The following TSHZ3 variants were observed in gnomAD, a reference collection of about 807,000 sequenced individuals.
The protein encoded by TSHZ3 is teashirt homolog 3.
TSHZ3 carries 10 observed loss-of-function variants against 64.5 expected under a neutral mutation model. That is an observed-to-expected ratio of 0.16 (90% CI 0.10 to 0.26). TSHZ3 has a LOEUF of 0.26. Among genes scored for constraint, TSHZ3 ranks in the 10% least tolerant of loss-of-function variants. TSHZ3 has a pLI of 1.00. For missense variants in TSHZ3, 1,242 were observed against 1,421.7 expected (o/e 0.87, Z 2.03); for synonymous variants, 608 against 593.1 (o/e 1.03, Z -0.36).
chr19:31,154,767 A>G (rs918234569), intron 6 of TSHZ3, among the ~76,000 whole-genome samples: 1 of 152,196 alleles, frequency 6.6e-6, no homozygotes, highest in Non-Finnish European at 1.5e-5. Context: ...AGAGAGAATC[A>G]GGAAAGTGTG....
chr19:31,279,548 C>A lies in TSHZ3; in HGVS notation c.245G>T (p.Ser82Ile). ...MDSESHISET[S>I]DRMADFESGS... ...GCTTTCAAAGTCAGCCATTCGGTCA[C>A]TGGTCTCACTGATGTGTGACTCGCT... Residue 82 changes from serine (S) to isoleucine (I), a missense_variant, in exon 2 of 2, where the codon AGT becomes ATT. By Grantham distance (142) the Ser-to-Ile change is moderately radical (BLOSUM62 -2). Transcript: ENST00000240587. This position sits in a 1 kb window ranked among gnomAD's most constrained non-coding sequence, Gnocchi z 6.4. 1 of 1,609,882 alleles carries A rather than the reference C, an allele frequency of 6.2e-7. No individual in the cohort carries two copies. Among genetic ancestry groups the A allele is most frequent in the Non-Finnish European group, 8.5e-7 (1 of 1,176,880 alleles).
chr19:31,243,750 G>C (rs567474586), intron 1 of TSHZ3, among the ~76,000 whole-genome samples: 2 of 152,102 alleles, frequency 1.3e-5, no homozygotes, highest in Non-Finnish European at 2.9e-5. Flanking sequence ...TCGAGCTCTG[G>C]GAATGGGAGC....
At chr19:31,325,252 G>A (rs564908752) in intron 1 of TSHZ3, among the ~76,000 whole-genome samples, 136 of 152,292 alleles carry the variant, frequency 8.9e-4, no homozygotes, top group African/African-American at 3.2e-3. Context: ...TTCACTGGTC[G>A]GGACCGGCCA....
rs373238009 is a variant in TSHZ3 at position 31,278,623 on chromosome 19, C to T, written c.1170G>A (p.Glu390=). The change falls in exon 2 of 2, where the codon GAG becomes GAA. Residue 390 remains glutamate, a synonymous_variant. Coordinates refer to ENST00000240587, the MANE Select transcript of TSHZ3 (RefSeq NM_020856.4). The surrounding 1 kb of genome is among the most constrained non-coding windows in gnomAD (Gnocchi z 4.7). ...GCAGGGTGTCATGCGAGCTCCCACA[C>T]TCCATGCACTTCAGGATCTGCGACT... is the stretch of plus-strand genomic sequence containing the variant. The part of the protein sequence containing the change: ...ARKSQILKCM[E]CGSSHDTLQE... 1.4e-5 allele frequency: 23 copies of T among 1,614,056 alleles called. No homozygotes were observed. Among genetic ancestry groups the T allele is most frequent in the Non-Finnish European group, 1.8e-5 (21 of 1,180,020 alleles).
intron 1 of TSHZ3, among the ~76,000 whole-genome samples, chr19:31,345,744 C>A (rs1917573001): frequency 6.6e-6 from 1 of 151,782 alleles, no homozygotes; most frequent in African/African-American, 2.4e-5. Context: ...ACATTTGCCT[C>A]CAGAAAATTA....
chr19:31,334,782 C>T (rs1352712042), intron 1 of TSHZ3, among the ~76,000 whole-genome samples: 1 of 152,088 alleles, frequency 6.6e-6, no homozygotes, highest in Non-Finnish European at 1.5e-5. Flanking sequence ...CTGCCATGCC[C>T]CCTTGAGACA....
chr19:31,181,779 C>A (rs958130788), intron 5 of TSHZ3, among the ~76,000 whole-genome samples: 1 of 152,146 alleles, frequency 6.6e-6, no homozygotes, highest in East Asian at 1.9e-4. Context: ...TTTGTTGTTG[C>A]TGGACATTTT....
chr19:31,192,296 G>A (rs1179575523), intron 5 of TSHZ3, among the ~76,000 whole-genome samples: 1 of 152,146 alleles, frequency 6.6e-6, no homozygotes, highest in Non-Finnish European at 1.5e-5. Flanking sequence ...GGCCTTTTGG[G>A]GGTTTCAACC....
intron 5 of TSHZ3, among the ~76,000 whole-genome samples, chr19:31,171,916 G>T (rs1379821737): frequency 2.0e-5 from 3 of 152,122 alleles, no homozygotes; most frequent in African/African-American, 7.2e-5. Context: ...CCCCGCTCAG[G>T]TATTAGAGAT....
chr19:31,205,684 G>A (rs1206287457), intron 4 of TSHZ3, among the ~76,000 whole-genome samples: 4 of 152,144 alleles, frequency 2.6e-5, no homozygotes, highest in African/African-American at 4.8e-5. Flanking sequence ...ATGACTGCCC[G>A]ACCCTCCATC....
intron 4 of TSHZ3, among the ~76,000 whole-genome samples, chr19:31,223,752 G>A (rs894306068): frequency 2.6e-5 from 4 of 152,126 alleles, no homozygotes; most frequent in Non-Finnish European, 5.9e-5. Flanking sequence ...GGAAAGTGGG[G>A]GGAATGCTGA....
At chr19:31,219,881 T>G (rs916629067) in intron 4 of TSHZ3, among the ~76,000 whole-genome samples, 1 of 150,456 alleles carries the variant, frequency 6.6e-6, no homozygotes, top group African/African-American at 2.4e-5. Flanking sequence ...AAGTATATAA[T>G]TGAATATATA....
chr19:31,301,121 G>C (rs1976749302), intron 1 of TSHZ3, among the ~76,000 whole-genome samples: 1 of 152,086 alleles, frequency 6.6e-6, no homozygotes, highest in South Asian at 2.1e-4. Context: ...GGCTACAATA[G>C]GAGTGATGGT....
intron 1 of TSHZ3, among the ~76,000 whole-genome samples, chr19:31,311,321 C>T (rs1485577090): frequency 2.6e-5 from 4 of 152,244 alleles, no homozygotes; most frequent in Non-Finnish European, 4.4e-5. Flanking sequence ...TCACCCCCAA[C>T]AAATCCTAGG....
At chr19:31,179,812 G>A (rs545251844) in intron 5 of TSHZ3, among the ~76,000 whole-genome samples, 12 of 129,340 alleles carry the variant, frequency 9.3e-5, no homozygotes, top group African/African-American at 1.4e-4. Context: ...AATGATGATG[G>A]TGGTGGTGAT....
intron 5 of TSHZ3, among the ~76,000 whole-genome samples, chr19:31,174,990 C>A (rs1974587639): frequency 6.6e-6 from 1 of 152,298 alleles, no homozygotes; most frequent in Middle Eastern, 3.4e-3. Context: ...GACTTGGGTC[C>A]CACACAGCAA....
intron 1 of TSHZ3, among the ~76,000 whole-genome samples, chr19:31,299,465 G>A (rs749803526): frequency 1.3e-5 from 2 of 152,146 alleles, no homozygotes; most frequent in African/African-American, 2.4e-5. Flanking sequence ...TGTGGGATGC[G>A]GGTGTTTTTC....
chr19:31,304,860 G>A (rs891961411), intron 1 of TSHZ3, among the ~76,000 whole-genome samples: 1 of 152,198 alleles, frequency 6.6e-6, no homozygotes, highest in Non-Finnish European at 1.5e-5. Context: ...ACTGGAGCGC[G>A]ATTCCCCGCA....
At chr19:31,166,223 C>T (rs991773282) in intron 5 of TSHZ3, among the ~76,000 whole-genome samples, 4 of 152,082 alleles carry the variant, frequency 2.6e-5, no homozygotes, top group South Asian at 4.2e-4. Context: ...GCCTGACCCT[C>T]GTGAAGGATT....
Sources: allele counts gnomAD v4.1 joint callset (sites outside exome capture counted in the v4.1 genomes callset), GRCh38; gene constraint gnomAD v4.1.1; non-coding constraint Gnocchi (gnomAD v3.1); transcripts MANE v1.5; gene names NCBI Gene and HGNC (gene_info 2026-07-23, HGNC 2026-07-21).